Variants in MTBP observed in about 807,000 individuals in gnomAD.
The protein encoded by MTBP is MDM2 binding protein.
MTBP carries 101 observed loss-of-function variants against 117.0 expected under a neutral mutation model. The ratio of observed to expected loss-of-function variants is 0.86; its 90% CI spans 0.73 to 1.02. MTBP has a LOEUF of 1.02. Ranked by LOEUF, MTBP falls within the 50% of genes least tolerant of loss-of-function variation. MTBP has a pLI of 0.00. For missense variants in MTBP, 970 were observed against 1,030.9 expected (o/e 0.94, Z 0.81); for synonymous variants, 350 against 351.5 (o/e 1.00, Z 0.05).
chr8:120,502,635 A>G (rs1281671147), intron 15 of MTBP, 26 bp downstream of exon 15: 1 of 1,314,240 alleles, frequency 7.6e-7, no homozygotes, highest in Non-Finnish European at 1.1e-6. Flanking sequence ...GTAGTAAAGC[A>G]TGTGATAGCT....
At chr8:120,468,811 A>G (rs944786684) in intron 10 of MTBP, among the ~76,000 whole-genome samples, 2 of 152,150 alleles carry the variant, frequency 1.3e-5, no homozygotes, top group Admixed American at 6.5e-5. Flanking sequence ...ACCAGGAAAC[A>G]GTGACCATGA....
At chr8:120,479,272 C>CA (rs962954442) in intron 11 of MTBP, among the ~76,000 whole-genome samples, 3 of 151,988 alleles carry the variant, frequency 2.0e-5, no homozygotes, top group African/African-American at 7.3e-5. Flanking sequence ...AATCTACACT[C>CA]AAAGTTCAAA....
At chr8:120,486,286 G>A (rs1814212841) in intron 11 of MTBP, among the ~76,000 whole-genome samples, 1 of 152,136 alleles carries the variant, frequency 6.6e-6, no homozygotes, top group South Asian at 2.1e-4. Context: ...ATCTGAGTCA[G>A]ATAAAGTCAG....
At chr8:120,496,404 G>C (rs1268215274) in intron 13 of MTBP, among the ~76,000 whole-genome samples, 1 of 152,126 alleles carries the variant, frequency 6.6e-6, no homozygotes, top group Non-Finnish European at 1.5e-5. Flanking sequence ...TGGAAGTTTT[G>C]TATGCTTACT....
chr8:120,452,878 G>A (rs955475358), intron 4 of MTBP: 6 of 150,016 alleles, frequency 4.0e-5, no homozygotes, highest in Admixed American at 3.3e-4. Context: ...TTTCTGATAA[G>A]TGACCTAATA....
In MTBP at chr8:120,515,961, T is replaced by A. The variant is rs1201563968; in HGVS notation, c.2016T>A (p.Asp672Glu). 1 of 1,612,724 alleles carries A rather than the reference T, an allele frequency of 6.2e-7. No individual in the cohort carries two copies. The change falls in exon 18 of 22, where the codon GAT becomes GAA. Residue 672 changes from aspartate (D) to glutamate (E), a missense_variant. Physicochemically the swap from Asp to Glu is conservative, Grantham distance 45. Transcript: ENST00000305949. Reference protein sequence around the residue: ...CLDDRKALERDGGFSELQSRL... With the variant: ...CLDDRKALEREGGFSELQSRL... ...ATGACCGAAAAGCTTTGGAAAGAGA[T>A]GGAGGATTTTCTGAACTTCAGTCTC...
chr8:120,509,128 G>A (rs1814749653), intron 16 of MTBP, among the ~76,000 whole-genome samples: 1 of 152,142 alleles, frequency 6.6e-6, no homozygotes. Flanking sequence ...TCTTAAAGTA[G>A]GTGCCAGTGA....
intron 2 of MTBP, among the ~76,000 whole-genome samples, chr8:120,447,687 A>C (rs1242010572): frequency 6.6e-6 from 1 of 152,172 alleles, no homozygotes; most frequent in Non-Finnish European, 1.5e-5. Context: ...TACTGTTATA[A>C]AATTTTATGG....
intron 11 of MTBP, among the ~76,000 whole-genome samples, chr8:120,478,165 AC>A (rs1287356052): frequency 6.6e-6 from 1 of 152,136 alleles, no homozygotes; most frequent in Non-Finnish European, 1.5e-5. Context: ...AGAAAATCAA[AC>A]ACCACATGTT....
At chr8:120,504,877 G>A (rs1167501031) in intron 15 of MTBP, among the ~76,000 whole-genome samples, 2 of 151,230 alleles carry the variant, frequency 1.3e-5, no homozygotes, top group Non-Finnish European at 3.0e-5. Context: ...TAAAATTTTT[G>A]GTAGTCATAT....
intron 11 of MTBP, among the ~76,000 whole-genome samples, chr8:120,478,999 C>CT (rs1425326871): frequency 6.6e-6 from 1 of 152,182 alleles, no homozygotes; most frequent in African/African-American, 2.4e-5. Context: ...GAACCATGTC[C>CT]TTTGCAACAC....
chr8:120,479,068 TATCA>T (rs1814012755), intron 11 of MTBP, among the ~76,000 whole-genome samples: 1 of 152,174 alleles, frequency 6.6e-6, no homozygotes, highest in African/African-American at 2.4e-5. Context: ...AGAAAATCAA[TATCA>T]CATTTTCTCA....
chr8:120,495,012 A>T (rs182288984), intron 13 of MTBP, among the ~76,000 whole-genome samples: 131 of 152,206 alleles, frequency 8.6e-4, no homozygotes, highest in African/African-American at 3.0e-3. Flanking sequence ...TATCTTGCTA[A>T]TATCTTGAAG....
chr8:120,490,605 A>AAT, intron 13 of MTBP, 35 bp downstream of exon 13: 1 of 1,388,348 alleles, frequency 7.2e-7, no homozygotes, highest in Non-Finnish European at 1.0e-6. Context: ...TCCTACCCTA[A>AAT]AAATGTTGAC....
rs972595094 is a variant in MTBP, at chr8:120,451,609, G to T, written c.425+287G>T. 1.4e-5 allele frequency: 4 copies of T among 293,090 alleles called. No homozygotes were observed. In the Admixed American group the frequency reaches 1.9e-4, roughly 14 times the overall value. The allele number at this position is 293,090 out of a possible 1,614,324, so 18.2% of individuals were successfully genotyped here. A position where few individuals can be genotyped will look rare whatever the true frequency, so the allele number is the denominator to read the frequency against. On this transcript the variant is annotated intron_variant, in intron 4 of 21. Coordinates refer to ENST00000305949, the MANE Select transcript of MTBP (RefSeq NM_022045.5). ...TATTTTATTTTATTTTTGAAACAGG[G>T]TCTTGCTGTGTCACCCAGGCTGCAG...
intron 11 of MTBP, among the ~76,000 whole-genome samples, chr8:120,482,999 A>C (rs1335636359): frequency 1.3e-5 from 2 of 148,540 alleles, no homozygotes; most frequent in Non-Finnish European, 3.0e-5. Context: ...GCACCCGGAC[A>C]GTACTATCTT....
chr8:120,506,949 C>A, intron 16 of MTBP, 88 bp downstream of exon 16: 1 of 1,131,412 alleles, frequency 8.8e-7, no homozygotes, highest in African/African-American at 1.6e-5. Flanking sequence ...AATTGATGTC[C>A]TATGCTACTC....
At chr8:120,473,248 GT>G (rs1813861115) in intron 11 of MTBP, 2 of 151,868 alleles carry the variant, frequency 1.3e-5, no homozygotes, top group African/African-American at 4.8e-5. Flanking sequence ...TTTTCAATTC[GT>G]GGTTGGTTGA....
At chr8:120,512,023 A>C (rs1814821651) in intron 17 of MTBP, among the ~76,000 whole-genome samples, 1 of 152,136 alleles carries the variant, frequency 6.6e-6, no homozygotes, top group Non-Finnish European at 1.5e-5. Flanking sequence ...TTATTCCATC[A>C]GCTATAAAGC....
Sources: allele counts gnomAD v4.1 joint callset (sites outside exome capture counted in the v4.1 genomes callset), GRCh38; gene constraint gnomAD v4.1.1; transcripts MANE v1.5; gene names NCBI Gene and HGNC (gene_info 2026-07-23, HGNC 2026-07-21).